VSTM4: variants seen among roughly 807,000 people sequenced by gnomAD.
The protein encoded by VSTM4 is V-set and transmembrane domain-containing protein 4.
VSTM4 carries 20 observed loss-of-function variants against 36.4 expected under a neutral mutation model. The observed-to-expected ratio is 0.55, with a 90% confidence interval of 0.39 to 0.80. The LOEUF (loss-of-function observed/expected upper bound fraction) is 0.80. VSTM4 is among the 30% of genes least tolerant of loss of function. The pLI is 0.00. For missense variants in VSTM4, 392 were observed against 404.5 expected (o/e 0.97, Z 0.26); for synonymous variants, 182 against 173.9 (o/e 1.05, Z -0.37).
intron 7 of VSTM4, among the ~76,000 whole-genome samples, chr10:49,037,777 CTT>C (rs1843454677): frequency 6.6e-6 from 1 of 152,092 alleles, no homozygotes; most frequent in African/African-American, 2.4e-5. Context: ...CAAACAATCT[CTT>C]TTTTTAAAAA....
intron 2 of VSTM4, among the ~76,000 whole-genome samples, chr10:49,086,471 C>T (rs778672547): frequency 8.5e-5 from 13 of 152,190 alleles, no homozygotes; most frequent in Non-Finnish European, 1.6e-4. Context: ...GCAAGACAGA[C>T]CCACAGAGCC....
At position 49,048,499 on chromosome 10, in the gene VSTM4, G is replaced by C. The variant is rs367573603; in HGVS notation, c.754C>G (p.Pro252Ala). 3 of 1,595,548 alleles carry C rather than the reference G, an allele frequency of 1.9e-6. No homozygotes were observed. The highest frequency in any genetic ancestry group is 2.6e-6 in the Non-Finnish European group (3 of 1,173,708). The change falls in exon 6 of 8, where the codon CCT becomes GCT. Residue 252 changes from proline (P) to alanine (A), a missense_variant. Physicochemically the swap from Pro to Ala is conservative, Grantham distance 27 (BLOSUM62 -1). Transcript: ENST00000332853. Reference sequence around the variant, plus strand: ...TTACCTTTGGCAGGGACTGCGGGAGGAATGTCAGGCTTCTCCTTCTGCCTC... The same window carrying C: ...TTACCTTTGGCAGGGACTGCGGGAGCAATGTCAGGCTTCTCCTTCTGCCTC... ...GKRQKEKPDI[P>A]PAVPAKAPIA...
rs867169342 is a variant in VSTM4, at chr10:49,102,479, C to A, written c.457+5115G>T. 7 of 985,330 alleles carry A rather than the reference C, an allele frequency of 7.1e-6. No homozygotes were observed. In the South Asian group the frequency reaches 2.3e-4, roughly 33 times the overall value. 61.0% of individuals were successfully genotyped at this position (985,330 alleles called of 1,614,324 possible). A position where few individuals can be genotyped will look rare whatever the true frequency, so the allele number is the denominator to read the frequency against. On this transcript the variant is annotated intron_variant, in intron 2 of 7. Transcript: ENST00000332853. Reference sequence around the variant, plus strand: ...TTTTGACATCATCACTGTGCCACAGCAGCTTGAAAAACAACGGCATGACCA... The same window carrying A: ...TTTTGACATCATCACTGTGCCACAGAAGCTTGAAAAACAACGGCATGACCA...
In VSTM4 at chr10:49,073,173, C is replaced by G. The variant is rs767509019; in HGVS notation, c.634+4046G>C. Among the ~76,000 whole-genome samples, 38 of 152,106 alleles carry G rather than the reference C, an allele frequency of 2.5e-4. 1 individual carries two copies. Among genetic ancestry groups the G allele is most frequent in the Admixed American group, 8.5e-4 (13 of 15,282 alleles). The stretch of plus-strand genomic sequence containing the variant: ...GTCCAGGCCTCATGGATCTACAGAT[C>G]CATGCAGATCTACCAGCAAATCTAC... On this transcript the variant is annotated intron_variant, in intron 4 of 7. Coordinates refer to ENST00000332853, the MANE Select transcript of VSTM4 (RefSeq NM_001031746.5).
chr10:49,050,763 T>C (rs1250997055), intron 5 of VSTM4, among the ~76,000 whole-genome samples: 2 of 152,244 alleles, frequency 1.3e-5, no homozygotes, highest in Non-Finnish European at 2.9e-5. Context: ...TATAAAATAA[T>C]GCATGCTCGT....
intron 7 of VSTM4, among the ~76,000 whole-genome samples, chr10:49,030,121 T>C (rs954169605): frequency 2.6e-5 from 4 of 152,204 alleles, no homozygotes; most frequent in Admixed American, 1.3e-4. Flanking sequence ...GGTGAAAATA[T>C]GCAGCTGAGT....
intron 7 of VSTM4, among the ~76,000 whole-genome samples, chr10:49,039,258 C>T (rs1843481593): frequency 6.6e-6 from 1 of 151,960 alleles, no homozygotes; most frequent in African/African-American, 2.4e-5. Flanking sequence ...CAATTGGGGT[C>T]TCAGCAGGAT....
intron 2 of VSTM4, among the ~76,000 whole-genome samples, chr10:49,105,244 G>C (rs1445034083): frequency 1.1e-5 from 1 of 91,048 alleles, no homozygotes; most frequent in East Asian, 3.5e-4. Context: ...AGACAGAGAG[G>C]GAAAGAGATA....
chr10:49,041,753 T>C (rs1327698994), intron 7 of VSTM4, among the ~76,000 whole-genome samples: 2 of 152,188 alleles, frequency 1.3e-5, no homozygotes, highest in Admixed American at 1.3e-4. Context: ...GGGATATGGA[T>C]CATGTTTCTT....
At chr10:49,078,092 A>G (rs1350714907) in intron 3 of VSTM4, among the ~76,000 whole-genome samples, 2 of 152,254 alleles carry the variant, frequency 1.3e-5, no homozygotes, top group Non-Finnish European at 2.9e-5. Flanking sequence ...AGAGAAATGC[A>G]AAATGCAACT....
intron 5 of VSTM4, among the ~76,000 whole-genome samples, chr10:49,058,571 C>T (rs1590094237): frequency 6.6e-6 from 1 of 152,146 alleles, no homozygotes; most frequent in African/African-American, 2.4e-5. Context: ...AAGGAACAGT[C>T]TCCCACTCCT....
intron 5 of VSTM4, among the ~76,000 whole-genome samples, chr10:49,053,600 A>C (rs558125827): frequency 6.6e-6 from 1 of 152,344 alleles, no homozygotes; most frequent in East Asian, 1.9e-4. Context: ...AAACAGCTAA[A>C]TAGCAACTGA....
At chr10:49,115,086 G>A (rs1304166509) in intron 1 of VSTM4, among the ~76,000 whole-genome samples, 3 of 152,174 alleles carry the variant, frequency 2.0e-5, no homozygotes, top group Admixed American at 2.0e-4. Context: ...GACTGCCGTG[G>A]AAAAAAGGAA....
At chr10:49,093,651 A>G (rs1252808637) in intron 2 of VSTM4, among the ~76,000 whole-genome samples, 1 of 151,318 alleles carries the variant, frequency 6.6e-6, no homozygotes, top group Non-Finnish European at 1.5e-5. Context: ...TGTGCACCAG[A>G]CCATGCCTTA....
At chr10:49,080,948 T>C (rs549960862) in intron 3 of VSTM4, among the ~76,000 whole-genome samples, 1 of 152,286 alleles carries the variant, frequency 6.6e-6, no homozygotes, top group African/African-American at 2.4e-5. Flanking sequence ...GCTCTGTAGA[T>C]TAACAGGGTG....
At chr10:49,081,040 G>A (rs1844269316) in intron 3 of VSTM4, among the ~76,000 whole-genome samples, 2 of 152,194 alleles carry the variant, frequency 1.3e-5, no homozygotes, top group African/African-American at 4.8e-5. Context: ...CAGGACTCTT[G>A]GATTCTGGAC....
intron 5 of VSTM4, among the ~76,000 whole-genome samples, chr10:49,056,637 C>A (rs967101245): frequency 2.0e-5 from 3 of 152,254 alleles, no homozygotes; most frequent in African/African-American, 7.2e-5. Context: ...CTAGACACAG[C>A]ACTTCCCAGA....
At chr10:49,064,773 T>C (rs1843942970) in intron 4 of VSTM4, 37 bp from the exon 5 acceptor site, 1 of 1,599,108 alleles carries the variant, frequency 6.3e-7, no homozygotes, top group South Asian at 1.1e-5. Context: ...GGTAAACCAA[T>C]GCTACTTCAG....
chr10:49,091,194 C>A (rs571648591), intron 2 of VSTM4, among the ~76,000 whole-genome samples: 1 of 152,316 alleles, frequency 6.6e-6, no homozygotes, highest in Non-Finnish European at 1.5e-5. Context: ...GTCAGCTGAC[C>A]TACTGACTGC....
Sources: allele counts gnomAD v4.1 joint callset (sites outside exome capture counted in the v4.1 genomes callset), GRCh38; gene constraint gnomAD v4.1.1; transcripts MANE v1.5; gene names NCBI Gene and HGNC (gene_info 2026-07-23, HGNC 2026-07-21).